LRP8: variants seen among roughly 807,000 people sequenced by gnomAD.
LRP8 encodes low-density lipoprotein receptor-related protein 8.
LRP8 carries 46 observed loss-of-function variants against 111.6 expected under a neutral mutation model. That is an observed-to-expected ratio of 0.41 (90% CI 0.33 to 0.53). The LOEUF (loss-of-function observed/expected upper bound fraction) is 0.53. LRP8 is among the 20% of genes least tolerant of loss of function. The pLI is 0.20. For synonymous variants in LRP8, 464 were observed against 511.2 expected, an observed-to-expected ratio of 0.91 and a Z score of 1.24; for missense variants, 959 against 1,297.4, an observed-to-expected ratio of 0.74 and a Z score of 4.01.
intron 3 of LRP8, 110 bp from the exon 4 acceptor site, chr1:53,280,825 A>C (rs1647084540): frequency 1.5e-6 from 2 of 1,353,622 alleles, no homozygotes; most frequent in South Asian, 1.3e-5. Context: ...CTAGGAGTCC[A>C]TCAGGGCTCT....
At chr1:53,319,512 C>A (rs1426481817) in intron 2 of LRP8, among the ~76,000 whole-genome samples, 5 of 152,222 alleles carry the variant, frequency 3.3e-5, no homozygotes, top group Admixed American at 3.3e-4. Context: ...CGCCTGAGAG[C>A]ATGCCGCATT....
At position 53,280,600 on chromosome 1, in the gene LRP8, G is replaced by A. The variant is rs148468730; in HGVS notation, c.483C>T (p.Ala161=). 26 of 1,612,596 alleles carry A rather than the reference G, an allele frequency of 1.6e-5. No homozygotes were observed. Among genetic ancestry groups the A allele is most frequent in the Admixed American group, 8.3e-5 (5 of 60,020 alleles). The change falls in exon 4 of 19, where the codon GCC becomes GCT. Residue 161 remains alanine (A), a synonymous_variant. Coordinates refer to ENST00000306052, the MANE Select transcript of LRP8 (RefSeq NM_004631.5). The part of the protein sequence containing the change: ...EKDCEGGADE[A]GCATLCAPHE... ...CCCCAGACTCACAGGTAGCACAGCCGGCCTCATCCGCTCCACCCTCGCAGT... is the reference window on the plus strand; with the variant it reads ...CCCCAGACTCACAGGTAGCACAGCCAGCCTCATCCGCTCCACCCTCGCAGT...
At chr1:53,300,718 A>C (rs1305608688) in intron 2 of LRP8, among the ~76,000 whole-genome samples, 1 of 152,162 alleles carries the variant, frequency 6.6e-6, no homozygotes, top group African/African-American at 2.4e-5. Context: ...AACCCTTCCC[A>C]GTCTCCTAGT....
At chr1:53,251,159 T>C (rs1052092091) in intron 16 of LRP8, among the ~76,000 whole-genome samples, 2 of 152,200 alleles carry the variant, frequency 1.3e-5, no homozygotes, top group African/African-American at 4.8e-5. Flanking sequence ...GTATCTGTAC[T>C]CCCAACTAGA....
intron 16 of LRP8, among the ~76,000 whole-genome samples, chr1:53,254,481 C>T (rs1324457807): frequency 1.3e-5 from 2 of 152,046 alleles, no homozygotes; most frequent in South Asian, 2.1e-4. Context: ...AGTGTTTCCT[C>T]AGCACTGTCT....
chr1:53,272,431 C>A (rs540183805), intron 6 of LRP8, among the ~76,000 whole-genome samples: 2 of 152,152 alleles, frequency 1.3e-5, no homozygotes, highest in Non-Finnish European at 2.9e-5. Context: ...CGCCCCTCTC[C>A]CCCTCTGCCC....
intron 2 of LRP8, among the ~76,000 whole-genome samples, chr1:53,299,282 C>T (rs190654401): frequency 5.5e-4 from 84 of 152,264 alleles, no homozygotes; most frequent in South Asian, 3.3e-3. Context: ...AGCAGTGGGT[C>T]GCTGCAGCAC....
Position 53,276,955 on chromosome 1 carries a change from C to T in LRP8, c.620G>A (p.Gly207Glu). The T allele has an allele frequency of 6.8e-7, 1 of 1,477,302 alleles. No individual in the cohort carries two copies. Among genetic ancestry groups the T allele is most frequent in the Non-Finnish European group, 8.9e-7 (1 of 1,117,646 alleles). The allele number at this position is 1,477,302 out of a possible 1,614,324, so 91.5% of individuals were successfully genotyped here. ...DERGCADPAC[G>E]PREFRCGGDG... ...GCCGCCGCAGCGGAACTCGCGGGGC[C>T]CGCAGGCCGGGTCTGCACAGCCGCG... is the stretch of plus-strand genomic sequence containing the variant. The change falls in exon 5 of 19, where the codon GGG (glycine) becomes GAG (glutamate). Residue 207 changes from glycine to glutamate, a missense_variant. Around this residue, in one of 3 missense-constraint regions of LRP8, gnomAD observed 819 missense variants for 1,097.6 expected, o/e 0.75. Transcript: ENST00000306052.
At position 53,249,555 on chromosome 1, in the gene LRP8, G is replaced by T. The variant is rs1318595090; in HGVS notation, c.2678C>A (p.Ala893Glu). ...CAGTGGGCGATCAAAGCTGCTGATT[G>T]CCTGACAGGGGGATGGCACTGTGGA... ...TAQIGHVYPAAISSFDRPLWA... is the reference protein window; with the variant it reads ...TAQIGHVYPAEISSFDRPLWA... Residue 893 changes from alanine (A) to glutamate (E), a missense_variant and splice_region_variant, in exon 18 of 19, where the codon GCA becomes GAA. By Grantham distance (107) the Ala-to-Glu change is moderately radical. This residue lies in a region of LRP8 where 819 missense variants were observed against 1,097.6 expected (regional missense o/e 0.75). Transcript: ENST00000306052. This position sits in a 1 kb window ranked among gnomAD's most constrained non-coding sequence, Gnocchi z 4.1. 2 of 1,593,404 alleles carry T rather than the reference G, an allele frequency of 1.3e-6. No individual in the cohort carries two copies. Among genetic ancestry groups the T allele is most frequent in the Admixed American group, 3.5e-5 (2 of 56,534 alleles).
At chr1:53,311,132 G>A (rs1457138660) in intron 2 of LRP8, among the ~76,000 whole-genome samples, 1 of 152,136 alleles carries the variant, frequency 6.6e-6, no homozygotes, top group African/African-American at 2.4e-5. Flanking sequence ...GGTATCCCGG[G>A]GGCCTCCCTG....
intron 2 of LRP8, among the ~76,000 whole-genome samples, chr1:53,306,682 G>A (rs1652029567): frequency 6.6e-6 from 1 of 152,210 alleles, no homozygotes; most frequent in African/African-American, 2.4e-5. Context: ...CCAGGCAGAT[G>A]GTTCTGAGGA....
chr1:53,269,148 C>T (rs1258460727), intron 8 of LRP8, among the ~76,000 whole-genome samples: 2 of 152,188 alleles, frequency 1.3e-5, no homozygotes, highest in African/African-American at 4.8e-5. Context: ...TTCCTAGTTT[C>T]CTTGCTCCAA....
At chr1:53,278,323 GC>G (rs2100425977) in intron 4 of LRP8, among the ~76,000 whole-genome samples, 1 of 152,324 alleles carries the variant, frequency 6.6e-6, no homozygotes, top group East Asian at 1.9e-4. Context: ...CCAAGACCTG[GC>G]CCCGGGATGG....
chr1:53,267,096 C>T (rs1646596222), intron 8 of LRP8: 1 of 167,606 alleles, frequency 6.0e-6, no homozygotes, highest in Non-Finnish European at 1.3e-5. Flanking sequence ...TTCTTTCCAG[C>T]AACTATCATC....
chr1:53,293,847 C>A lies in LRP8; in HGVS notation c.245-4158G>T, dbSNP rs991001026. Among the ~76,000 whole-genome samples, 1 of 152,212 alleles carries A rather than the reference C, an allele frequency of 6.6e-6. No homozygotes were observed. Among genetic ancestry groups the A allele is most frequent in the Non-Finnish European group, 1.5e-5 (1 of 68,044 alleles). ...TGGAGACTGACTCCTGGCATAGCCACCTCGGGGTGAACCTGGGCAAGTGGG... is the reference window on the plus strand; with the variant it reads ...TGGAGACTGACTCCTGGCATAGCCAACTCGGGGTGAACCTGGGCAAGTGGG... On this transcript the variant is annotated intron_variant, in intron 2 of 18. Transcript: ENST00000306052. This position sits in a 1 kb window ranked among gnomAD's most constrained non-coding sequence, Gnocchi z 4.9.
At chr1:53,276,655 TC>T in intron 5 of LRP8, 36 bp downstream of exon 5, 1 of 1,465,060 alleles carries the variant, frequency 6.8e-7, no homozygotes, top group Non-Finnish European at 9.1e-7. Flanking sequence ...GGATCCGCAA[TC>T]CCTGGGCGGG....
At chr1:53,280,026 CCTGCCGAGG>C (rs1340214422) in intron 4 of LRP8, among the ~76,000 whole-genome samples, 22 of 152,228 alleles carry the variant, frequency 1.4e-4, no homozygotes, top group Admixed American at 1.0e-3. Flanking sequence ...TCCATCTGTC[CCTGCCGAGG>C]CTGCTGAGAA....
At chr1:53,326,389 T>A (rs1483865874) in intron 2 of LRP8, among the ~76,000 whole-genome samples, 2 of 152,084 alleles carry the variant, frequency 1.3e-5, no homozygotes, top group East Asian at 3.9e-4. Context: ...TATGGGGTGG[T>A]CCTCGCCCAG....
At chr1:53,323,938 AG>A (rs1242847698) in intron 2 of LRP8, among the ~76,000 whole-genome samples, 1 of 152,232 alleles carries the variant, frequency 6.6e-6, no homozygotes, top group Non-Finnish European at 1.5e-5. Context: ...CTTCCTTAAA[AG>A]TTCCCTCCTT....
Sources: gnomAD v4.1 joint callset for allele counts (sites outside exome capture counted in the v4.1 genomes callset) on GRCh38, gnomAD v4.1.1 for gene constraint, gnomAD v4.1.1 regional missense constraint, Gnocchi (gnomAD v3.1) non-coding constraint, MANE v1.5 for transcripts, NCBI Gene and HGNC (gene_info 2026-07-23, HGNC 2026-07-21) for gene names.